The following SLC35D2 variants were observed in gnomAD, a reference collection of about 807,000 sequenced individuals.
The protein encoded by SLC35D2 is nucleotide sugar transporter SLC35D2.
In SLC35D2, 43 loss-of-function variants were observed where a neutral mutation model predicts 41.8. The observed-to-expected ratio is 1.03, with a 90% CI of 0.81 to 1.33. SLC35D2 has a LOEUF of 1.33. SLC35D2 is among the 40% of genes most tolerant of loss of function. The probability of loss-of-function intolerance (pLI) is 0.00; values close to 1 mark genes in which losing one functional copy is unlikely to be tolerated. For missense variants in SLC35D2, 380 were observed against 408.4 expected, an observed-to-expected ratio of 0.93 and a Z score of 0.60; for synonymous variants, 150 against 163.9, an observed-to-expected ratio of 0.92 and a Z score of 0.65.
intron 5 of SLC35D2, among the ~76,000 whole-genome samples, 177 bp from the exon 6 acceptor site, chr9:96,351,348 A>T (rs1056018762): frequency 6.6e-6 from 1 of 152,084 alleles, no homozygotes; most frequent in Non-Finnish European, 1.5e-5. Flanking sequence ...CTAAATTTAC[A>T]TTATTTCTTA....
At chr9:96,342,001 T>TA (rs1201019258) in intron 8 of SLC35D2, among the ~76,000 whole-genome samples, 3 of 151,136 alleles carry the variant, frequency 2.0e-5, no homozygotes, top group Non-Finnish European at 1.5e-5. Context: ...TCCGCTGATT[T>TA]AAAAAAACAA....
chr9:96,383,352 T>G, intron 1 of SLC35D2, 125 bp downstream of exon 1: 2 of 595,722 alleles, frequency 3.4e-6, no homozygotes, highest in Non-Finnish European at 5.1e-6. Flanking sequence ...ACTCGACCAA[T>G]GTGCCCAGCT....
At chr9:96,332,962 G>A (rs1055678176) in intron 9 of SLC35D2, among the ~76,000 whole-genome samples, 2 of 148,296 alleles carry the variant, frequency 1.3e-5, no homozygotes, top group African/African-American at 2.5e-5. Flanking sequence ...ACAGTGGCAC[G>A]ATCTCGGCTC....
chr9:96,367,864 CT>C (rs1830538070), intron 2 of SLC35D2, among the ~76,000 whole-genome samples: 1 of 151,868 alleles, frequency 6.6e-6, no homozygotes, highest in Admixed American at 6.6e-5. Flanking sequence ...CCCACCCCAT[CT>C]CTCAACTCTT....
At chr9:96,326,551 C>G (rs556201303) in intron 9 of SLC35D2, among the ~76,000 whole-genome samples, 1 of 152,256 alleles carries the variant, frequency 6.6e-6, no homozygotes, top group African/African-American at 2.4e-5. Flanking sequence ...CGCCTGTAAT[C>G]CCAGCAGTTT....
chr9:96,316,600 C>T (rs1828058636), downstream of SLC35D2, among the ~76,000 whole-genome samples: 1 of 152,134 alleles, frequency 6.6e-6, no homozygotes, highest in Non-Finnish European at 1.5e-5. Context: ...TGTTCCCTGA[C>T]AGTCTGCATT....
chr9:96,350,912 T>C, intron 6 of SLC35D2, 191 bp downstream of exon 6: 1 of 496,820 alleles, frequency 2.0e-6, no homozygotes, highest in Admixed American at 3.3e-5. Context: ...TTCTCAGAAA[T>C]TTTCTGGCCA....
chr9:96,367,438 A>C (rs1241291001), intron 2 of SLC35D2, among the ~76,000 whole-genome samples: 1 of 152,170 alleles, frequency 6.6e-6, no homozygotes, highest in Admixed American at 6.5e-5. Flanking sequence ...AGAATAAACA[A>C]GCCACAAATT....
chr9:96,325,267 C>T (rs374789243), intron 9 of SLC35D2, among the ~76,000 whole-genome samples: 1 of 152,182 alleles, frequency 6.6e-6, no homozygotes, highest in East Asian at 1.9e-4. Context: ...AAATTAGCTG[C>T]AACCTCACCT....
chr9:96,357,260 G>A (rs923159477), intron 4 of SLC35D2, among the ~76,000 whole-genome samples: 7 of 152,174 alleles, frequency 4.6e-5, no homozygotes, highest in Admixed American at 3.9e-4. Context: ...TTCTACCAGG[G>A]TTCCAAGACA....
intron 8 of SLC35D2, among the ~76,000 whole-genome samples, chr9:96,340,551 C>T (rs962511761): frequency 8.2e-6 from 1 of 121,216 alleles, no homozygotes; most frequent in Non-Finnish European, 1.6e-5. Context: ...ACCCAGGAGG[C>T]GGAGGTTGCA....
chr9:96,379,329 TA>T, intron 1 of SLC35D2, among the ~76,000 whole-genome samples: 1 of 150,772 alleles, frequency 6.6e-6, no homozygotes, highest in Non-Finnish European at 1.5e-5. Context: ...AAATAAGACA[TA>T]ACCAACTGGC....
intron 8 of SLC35D2, among the ~76,000 whole-genome samples, chr9:96,341,149 T>C (rs1250609671): frequency 2.0e-5 from 3 of 151,976 alleles, no homozygotes; most frequent in Admixed American, 6.6e-5. Context: ...TAGCTGGGTG[T>C]GGTGGTGCGC....
At chr9:96,378,458 C>A (rs1831049106) in intron 1 of SLC35D2, among the ~76,000 whole-genome samples, 1 of 151,750 alleles carries the variant, frequency 6.6e-6, no homozygotes, top group Non-Finnish European at 1.5e-5. Context: ...CAAAAAAAAA[C>A]CTCAAAGCCT....
intron 1 of SLC35D2, among the ~76,000 whole-genome samples, chr9:96,381,308 G>A (rs1194043508): frequency 6.6e-6 from 1 of 152,192 alleles, no homozygotes; most frequent in East Asian, 1.9e-4. Flanking sequence ...GACACCTTGC[G>A]TGGCTCCCAT....
intron 1 of SLC35D2, among the ~76,000 whole-genome samples, chr9:96,371,473 TCAAAAAAAAAAAAAAA>T (rs1209082836): frequency 2.7e-4 from 1 of 3,680 alleles, no homozygotes; most frequent in African/African-American, 7.3e-4. Flanking sequence ...AGACTCTGTC[TCAAAAAAAAAAAAAAA>T]AAAAAAAAAA....
chr9:96,345,273 A>T (rs780102858), intron 7 of SLC35D2, 26 bp downstream of exon 7: 4 of 1,311,446 alleles, frequency 3.1e-6, no homozygotes, highest in Non-Finnish European at 4.3e-6. Context: ...TGACAGAGCC[A>T]AAAAGCCATA....
chr9:96,358,077 ATTTT>A (rs1209467139), intron 4 of SLC35D2, among the ~76,000 whole-genome samples: 1 of 82,242 alleles, frequency 1.2e-5, no homozygotes, highest in African/African-American at 6.8e-5. Flanking sequence ...AATATTATAT[ATTTT>A]ATATATATAT....
chr9:96,360,486 G>A (rs1482992006), intron 3 of SLC35D2, among the ~76,000 whole-genome samples: 1 of 151,374 alleles, frequency 6.6e-6, no homozygotes, highest in Non-Finnish European at 1.5e-5. Flanking sequence ...AAAATTAATT[G>A]GGCATGGTGG....
Sources: gnomAD v4.1 joint callset for allele counts (sites outside exome capture counted in the v4.1 genomes callset) on GRCh38, gnomAD v4.1.1 for gene constraint, MANE v1.5 for transcripts, NCBI Gene and HGNC (gene_info 2026-07-23, HGNC 2026-07-21) for gene names.